Variants in CTNND2 observed in about 807,000 individuals in gnomAD.
CTNND2 encodes the protein catenin delta 2, also known as catenin delta-2.
CTNND2 carries 22 observed loss-of-function variants against 144.4 expected under a neutral mutation model. The ratio of observed to expected loss-of-function variants is 0.15; its 90% confidence interval spans 0.11 to 0.22. The LOEUF (loss-of-function observed/expected upper bound fraction) is 0.22, where lower values mean the gene tolerates loss of function less well. Ranked by LOEUF, CTNND2 falls within the 10% of genes least tolerant of loss-of-function variation. CTNND2 has a pLI of 1.00. For missense variants in CTNND2, 1,353 were observed against 1,618.8 expected, an observed-to-expected ratio of 0.84 and a Z score of 2.82; for synonymous variants, 751 against 695.6, an observed-to-expected ratio of 1.08 and a Z score of -1.25.
Position 11,016,301 on chromosome 5 carries a change from A to G in CTNND2, c.3084+1673T>C, listed in dbSNP as rs556806628. ...ACACTTCCTCTTAGGGAACAGGAAA[A>G]TTTTGAAAGAGAAATATATAGGCTA... On this transcript the variant is annotated intron_variant, in intron 18 of 21. Coordinates refer to ENST00000304623, the MANE Select transcript of CTNND2 (RefSeq NM_001332.4). Among the ~76,000 whole-genome samples, 3 of 152,306 alleles carry G rather than the reference A, an allele frequency of 2.0e-5. No individual in the cohort carries two copies. In the South Asian group the frequency reaches 6.2e-4, roughly 32 times the overall value.
intron 2 of CTNND2, among the ~76,000 whole-genome samples, chr5:11,595,126 A>T (rs1439979821): frequency 1.3e-5 from 2 of 152,198 alleles, no homozygotes; most frequent in Non-Finnish European, 2.9e-5. Context: ...GGGCCAGCTC[A>T]GCTTTTATCT....
At chr5:11,828,759 C>G (rs1793735603) in intron 1 of CTNND2, among the ~76,000 whole-genome samples, 1 of 152,002 alleles carries the variant, frequency 6.6e-6, no homozygotes, top group South Asian at 2.1e-4. Context: ...TAAATTGGTA[C>G]CAGGAGTGGG....
At chr5:11,179,980 T>C (rs1328845193) in intron 11 of CTNND2, among the ~76,000 whole-genome samples, 1 of 152,212 alleles carries the variant, frequency 6.6e-6, no homozygotes, top group African/African-American at 2.4e-5. Flanking sequence ...AGCAATGACC[T>C]TCATTGAGGG....
rs145291073 is a variant in CTNND2, at chr5:11,689,028, C to A, written c.174+43108G>T. On this transcript the variant is annotated intron_variant, in intron 2 of 21. Transcript: ENST00000304623. ...ACGAACAGTATCGATATCAAAGTTA[C>A]TACTGGTAGTGCCTATTCTCTGTAC... Among the ~76,000 whole-genome samples the A allele has an allele frequency of 3.8e-3, 578 of 152,338 alleles. 3 individuals carry two copies. The highest frequency in any genetic ancestry group is 7.0e-3 in the Non-Finnish European group (476 of 68,028).
intron 10 of CTNND2, among the ~76,000 whole-genome samples, chr5:11,217,343 T>C (rs933143018): frequency 3.9e-5 from 6 of 152,330 alleles, no homozygotes; most frequent in Admixed American, 2.0e-4. Flanking sequence ...CCTGTTAACA[T>C]TAACTTTCCC....
At chr5:11,352,189 C>T (rs1014161801) in intron 8 of CTNND2, among the ~76,000 whole-genome samples, 2 of 152,146 alleles carry the variant, frequency 1.3e-5, no homozygotes, top group Non-Finnish European at 2.9e-5. Flanking sequence ...GAATAATTGT[C>T]ATTGGTGTTG....
At chr5:11,083,354 A>T (rs1001157929) in intron 15 of CTNND2, among the ~76,000 whole-genome samples, 1 of 152,244 alleles carries the variant, frequency 6.6e-6, no homozygotes, top group African/African-American at 2.4e-5. Flanking sequence ...TCAACTAGTC[A>T]GAAATAGGCA....
intron 3 of CTNND2, among the ~76,000 whole-genome samples, chr5:11,483,955 A>C (rs1051050112): frequency 1.3e-5 from 2 of 152,180 alleles, no homozygotes; most frequent in South Asian, 2.1e-4. Context: ...AGAAACTGAG[A>C]ATGACAACTG....
chr5:11,883,201 C>T (rs1180048361), intron 1 of CTNND2, among the ~76,000 whole-genome samples: 1 of 152,094 alleles, frequency 6.6e-6, no homozygotes, highest in Non-Finnish European at 1.5e-5. Context: ...TTTTATTATA[C>T]TTCAAGTTCT....
chr5:11,778,609 A>C (rs1007515052), intron 1 of CTNND2, among the ~76,000 whole-genome samples: 1 of 152,144 alleles, frequency 6.6e-6, no homozygotes, highest in Non-Finnish European at 1.5e-5. Flanking sequence ...ACTCCCCAAA[A>C]CTGTCAAGGT....
At chr5:11,323,564 A>C (rs1295278034) in intron 9 of CTNND2, among the ~76,000 whole-genome samples, 1 of 152,180 alleles carries the variant, frequency 6.6e-6, no homozygotes, top group Non-Finnish European at 1.5e-5. Flanking sequence ...TAGGAAACAG[A>C]CAGCCATGAC....
chr5:11,805,331 A>T (rs991365294), intron 1 of CTNND2, among the ~76,000 whole-genome samples: 1 of 152,134 alleles, frequency 6.6e-6, no homozygotes, highest in Non-Finnish European at 1.5e-5. Context: ...TTTATTTGCT[A>T]TATCAACTGA....
At chr5:11,647,431 C>T (rs967830111) in intron 2 of CTNND2, among the ~76,000 whole-genome samples, 1 of 152,044 alleles carries the variant, frequency 6.6e-6, no homozygotes, top group Non-Finnish European at 1.5e-5. Flanking sequence ...CACAGCATTT[C>T]TTATTCCCTA....
intron 2 of CTNND2, among the ~76,000 whole-genome samples, chr5:11,653,070 CGTGTGTGTGTGTGTGT>C (rs58056553): frequency 1.8e-3 from 258 of 143,256 alleles, no homozygotes; most frequent in Middle Eastern, 3.5e-3. Flanking sequence ...GAACAAAATT[CGTGTGTGTGTGTGTGT>C]GTGTGTGTGT....
At position 11,384,636 on chromosome 5, in the gene CTNND2, A is replaced by G. The variant is rs1758853422; in HGVS notation, c.1177+29T>C. On this transcript the variant is annotated intron_variant, in intron 7 of 21. Coordinates refer to ENST00000304623, the MANE Select transcript of CTNND2 (RefSeq NM_001332.4). The surrounding 1 kb of genome is among the most constrained non-coding windows in gnomAD (Gnocchi z 5.2). The stretch of plus-strand genomic sequence containing the variant: ...CGCGTCCCCGCCACGCGCCCAGGTG[A>G]GTCGCGCCAGGTGGCAGCGAGCCTT... 6.3e-7 allele frequency: 1 copy of G among 1,578,478 alleles called. No individual in the cohort carries two copies. Among genetic ancestry groups the G allele is most frequent in the Non-Finnish European group, 8.6e-7 (1 of 1,168,868 alleles).
At chr5:11,110,407 A>T (rs1407760798) in intron 14 of CTNND2, among the ~76,000 whole-genome samples, 1 of 152,164 alleles carries the variant, frequency 6.6e-6, no homozygotes, top group African/African-American at 2.4e-5. Flanking sequence ...GAGACTGAAA[A>T]TCTAAATGCT....
chr5:11,410,533 A>C (rs1761430081), intron 5 of CTNND2, among the ~76,000 whole-genome samples: 1 of 152,138 alleles, frequency 6.6e-6, no homozygotes, highest in Non-Finnish European at 1.5e-5. Context: ...TATTTTAATG[A>C]TGAAATTTTT....
At chr5:11,431,901 C>T (rs1442965232) in intron 3 of CTNND2, among the ~76,000 whole-genome samples, 1 of 152,150 alleles carries the variant, frequency 6.6e-6, no homozygotes, top group East Asian at 1.9e-4. Context: ...CACGGAAGCA[C>T]TCCTTTGTCA....
chr5:11,098,545 T>A (rs1561299267), intron 15 of CTNND2, 30 bp downstream of exon 15: 2 of 1,583,918 alleles, frequency 1.3e-6, no homozygotes, highest in Non-Finnish European at 1.7e-6. Flanking sequence ...TAACTCCAGA[T>A]TTCTTTTTAT....
Sources: gnomAD v4.1 joint callset for allele counts (sites outside exome capture counted in the v4.1 genomes callset) on GRCh38, gnomAD v4.1.1 for gene constraint, Gnocchi (gnomAD v3.1) non-coding constraint, MANE v1.5 for transcripts, NCBI Gene and HGNC (gene_info 2026-07-23, HGNC 2026-07-21) for gene names.